The following DAPK2 variants were observed in gnomAD, a reference collection of about 807,000 sequenced individuals.
The protein encoded by DAPK2 is death associated protein kinase 2, also known as death-associated protein kinase 2.
DAPK2 carries 35 observed loss-of-function variants against 44.1 expected under a neutral mutation model. That is an observed-to-expected ratio of 0.79 (90% CI 0.61 to 1.05). DAPK2 has a LOEUF of 1.05. DAPK2 is among the 50% of genes least tolerant of loss of function. The pLI, the probability that DAPK2 is intolerant of heterozygous loss-of-function variation, is 0.00. For synonymous variants in DAPK2, 174 were observed against 182.6 expected (o/e 0.95, Z 0.38); for missense variants, 453 against 483.2 (o/e 0.94, Z 0.59).
intron 3 of DAPK2, among the ~76,000 whole-genome samples, chr15:63,970,297 C>G (rs1467995808): frequency 1.3e-5 from 2 of 152,230 alleles, no homozygotes; most frequent in Admixed American, 1.3e-4. Flanking sequence ...ACACACTTCC[C>G]ATGCCTGTAC....
At chr15:63,911,951 C>A in exon 10 of DAPK2, 1 of 1,613,934 alleles carries the variant, frequency 6.2e-7, no homozygotes, top group Non-Finnish European at 8.5e-7. Context: ...CATCAGCGAG[C>A]GGGTGAGGTG....
intron 1 of DAPK2, among the ~76,000 whole-genome samples, chr15:64,025,028 G>A (rs2079799284): frequency 6.6e-6 from 1 of 152,054 alleles, no homozygotes; most frequent in African/African-American, 2.4e-5. Flanking sequence ...ACTCTCAGCA[G>A]GCTCCCCAGT....
rs540831649 is a variant in DAPK2, at chr15:63,939,046, C to T, written c.583+186G>A. Among the ~76,000 whole-genome samples the T allele has an allele frequency of 2.0e-5, 3 of 152,266 alleles. No homozygotes were observed. In the East Asian group the frequency reaches 5.8e-4, roughly 29 times the overall value. On this transcript the variant is annotated intron_variant, in intron 4 of 10. Coordinates refer to ENST00000261891, the Ensembl canonical transcript of DAPK2. This position sits in a 1 kb window ranked among gnomAD's most constrained non-coding sequence, Gnocchi z 4.3. ...CCTTGCCTCACTGAGCACTCAAAGC[C>T]TACACCTGGGCCCTCATCCCCAGGC...
chr15:64,035,653 A>G (rs1421169152), intron 1 of DAPK2, among the ~76,000 whole-genome samples: 4 of 152,174 alleles, frequency 2.6e-5, no homozygotes, highest in Non-Finnish European at 4.4e-5. Context: ...CCCTGCTCTG[A>G]TATTTCCCTG....
intron 3 of DAPK2, among the ~76,000 whole-genome samples, chr15:63,968,376 C>G (rs544209327): frequency 6.6e-6 from 1 of 152,338 alleles, no homozygotes; most frequent in African/African-American, 2.4e-5. Flanking sequence ...ACCTCACATG[C>G]ATCCAGAGAA....
At chr15:64,042,615 TA>T (rs2080376192), upstream of DAPK2, among the ~76,000 whole-genome samples, 1 of 152,198 alleles carries the variant, frequency 6.6e-6, no homozygotes, top group Non-Finnish European at 1.5e-5. The surrounding 1 kb of genome is among the most constrained non-coding windows in gnomAD (Gnocchi z 4.7). Context: ...TGGCCAAGGT[TA>T]GGGGGGCAGG....
chr15:64,019,460 TA>T (rs1286669885), intron 1 of DAPK2, among the ~76,000 whole-genome samples: 1 of 152,272 alleles, frequency 6.6e-6, no homozygotes, highest in Non-Finnish European at 1.5e-5. Context: ...CACAAAGGTC[TA>T]AGGTACTTGC....
At chr15:63,976,592 C>G (rs1042362206) in intron 2 of DAPK2, among the ~76,000 whole-genome samples, 3 of 152,006 alleles carry the variant, frequency 2.0e-5, no homozygotes, top group Non-Finnish European at 4.4e-5. Context: ...GTGATGTGCA[C>G]CTGTAGTTCC....
intron 2 of DAPK2, among the ~76,000 whole-genome samples, chr15:63,974,986 A>C (rs2078304827): frequency 6.6e-6 from 1 of 152,178 alleles, no homozygotes; most frequent in Non-Finnish European, 1.5e-5. Flanking sequence ...ATAATGAGGC[A>C]TGTCCAACCC....
intron 3 of DAPK2, among the ~76,000 whole-genome samples, chr15:63,961,267 C>A (rs1335776239): frequency 6.6e-6 from 1 of 152,204 alleles, no homozygotes; most frequent in Non-Finnish European, 1.5e-5. Flanking sequence ...CTCCTGAATA[C>A]AGCACACTGA....
intron 1 of DAPK2, among the ~76,000 whole-genome samples, chr15:63,996,418 G>T (rs939073241): frequency 1.3e-5 from 2 of 152,110 alleles, no homozygotes; most frequent in South Asian, 2.1e-4. Flanking sequence ...ACTCCAGCCT[G>T]ACAACAGAGC....
chr15:63,955,149 CTT>C (rs2077689721), intron 3 of DAPK2, among the ~76,000 whole-genome samples: 1 of 152,152 alleles, frequency 6.6e-6, no homozygotes, highest in African/African-American at 2.4e-5. Flanking sequence ...ATTTCTTTCT[CTT>C]GTCTGATTGC....
At position 63,923,211 on chromosome 15, in the gene DAPK2, G is replaced by A. The variant is rs532188597; in HGVS notation, c.858+1605C>T. 58 of 1,535,894 alleles carry A rather than the reference G, an allele frequency of 3.8e-5. No individual in the cohort carries two copies. The highest frequency in any genetic ancestry group is 4.8e-5 in the Non-Finnish European group (55 of 1,146,750). ...ACGTCTTCCACCACACAGGCAAAAC[G>A]CTCGAAGTTGACATAGGAGTTGTTG... is the stretch of plus-strand genomic sequence containing the variant. On this transcript the variant is annotated intron_variant, in intron 8 of 10. Transcript: ENST00000261891. This position sits in a 1 kb window ranked among gnomAD's most constrained non-coding sequence, Gnocchi z 4.2.
intron 1 of DAPK2, among the ~76,000 whole-genome samples, chr15:63,993,757 C>G (rs192693390): frequency 2.4e-4 from 37 of 152,194 alleles, no homozygotes; most frequent in Middle Eastern, 3.4e-3. Flanking sequence ...CCTCAGTTTT[C>G]TCATCCAAAA....
exon 8 of DAPK2, chr15:63,924,819 G>T (rs746839996): frequency 3.1e-6 from 5 of 1,614,186 alleles, no homozygotes; most frequent in Non-Finnish European, 4.2e-6. Flanking sequence ...CCCTTACCGT[G>T]ATCCAGGGGT....
In DAPK2 at chr15:63,943,636, G is replaced by A. The variant is rs562940634; in HGVS notation, c.454-4275C>T. Among the ~76,000 whole-genome samples, 6 of 152,210 alleles carry A rather than the reference G, an allele frequency of 3.9e-5. No homozygotes were observed. In the East Asian group the frequency reaches 9.7e-4, roughly 25 times the overall value. ...GCCTGTATTCCCAGCACTTTGGGAGGCTGAAGTAGGTGGATCACTTGAGGT... is the reference window on the plus strand; with the variant it reads ...GCCTGTATTCCCAGCACTTTGGGAGACTGAAGTAGGTGGATCACTTGAGGT... On this transcript the variant is annotated intron_variant, in intron 3 of 10. Transcript: ENST00000261891.
intron 3 of DAPK2, among the ~76,000 whole-genome samples, chr15:63,955,261 A>G (rs1400097494): frequency 6.6e-6 from 1 of 152,192 alleles, no homozygotes; most frequent in East Asian, 1.9e-4. Context: ...GGTTTTACCC[A>G]CTCAGTATGA....
intron 2 of DAPK2, among the ~76,000 whole-genome samples, chr15:63,974,132 C>CA (rs771333042): frequency 3.3e-5 from 5 of 151,720 alleles, no homozygotes; most frequent in African/African-American, 1.2e-4. Context: ...TGTGACAGAG[C>CA]AAAAAAAATC....
intron 1 of DAPK2, among the ~76,000 whole-genome samples, chr15:64,001,257 G>A (rs11637916): frequency 0.082 from 12,325 of 150,990 alleles, 738 homozygotes; most frequent in South Asian, 0.31. Flanking sequence ...GCTGTGCTGC[G>A]CCATCAGATG....
Sources: gnomAD v4.1 joint callset for allele counts (sites outside exome capture counted in the v4.1 genomes callset) on GRCh38, gnomAD v4.1.1 for gene constraint, Gnocchi (gnomAD v3.1) non-coding constraint, MANE v1.5 for transcripts, NCBI Gene and HGNC (gene_info 2026-07-23, HGNC 2026-07-21) for gene names.